The following ASTN2 variants were observed in gnomAD, a reference collection of about 807,000 sequenced individuals.
ASTN2 encodes astrotactin-2.
ASTN2 carries 54 observed loss-of-function variants against 139.8 expected under a neutral mutation model. The ratio of observed to expected loss-of-function variants is 0.39; its 90% CI spans 0.31 to 0.48. The LOEUF (loss-of-function observed/expected upper bound fraction) is 0.48, where lower values mean the gene tolerates loss of function less well. Ranked by LOEUF, ASTN2 falls within the 20% of genes least tolerant of loss-of-function variation. The pLI, the probability that ASTN2 is intolerant of heterozygous loss-of-function variation, is 0.95. For synonymous variants in ASTN2, 756 were observed against 719.5 expected, an observed-to-expected ratio of 1.05 and a Z score of -0.81; for missense variants, 1,565 against 1,725.1, an observed-to-expected ratio of 0.91 and a Z score of 1.64.
chr9:116,922,622 C>T (rs534176897), intron 10 of ASTN2, among the ~76,000 whole-genome samples: 10 of 152,128 alleles, frequency 6.6e-5, no homozygotes, highest in Non-Finnish European at 1.3e-4. Context: ...AATCATGATA[C>T]ATCTGTGTTA....
intron 18 of ASTN2, among the ~76,000 whole-genome samples, chr9:116,620,053 GC>G (rs1294239627): frequency 6.6e-6 from 1 of 152,034 alleles, no homozygotes; most frequent in African/African-American, 2.4e-5. Flanking sequence ...CTGAATGGTT[GC>G]CTGAAGGAAG....
intron 4 of ASTN2, among the ~76,000 whole-genome samples, chr9:117,117,686 G>T (rs1829432723): frequency 6.6e-6 from 1 of 152,200 alleles, no homozygotes; most frequent in Non-Finnish European, 1.5e-5. Flanking sequence ...AATCCTGTTT[G>T]CTGAGTTATT....
At chr9:116,996,791 A>G (rs943563476) in intron 7 of ASTN2, among the ~76,000 whole-genome samples, 1 of 152,218 alleles carries the variant, frequency 6.6e-6, no homozygotes, top group Non-Finnish European at 1.5e-5. Context: ...ACATTTGTTT[A>G]TTGATAATAT....
intron 10 of ASTN2, among the ~76,000 whole-genome samples, chr9:116,953,815 A>C (rs1291348662): frequency 6.6e-6 from 1 of 152,194 alleles, no homozygotes; most frequent in Admixed American, 6.5e-5. Flanking sequence ...AGCAGATAAG[A>C]GACTTGTCCA....
chr9:117,128,593 T>A (rs1168136337), intron 4 of ASTN2, among the ~76,000 whole-genome samples: 2 of 152,108 alleles, frequency 1.3e-5, no homozygotes, highest in Non-Finnish European at 2.9e-5. Flanking sequence ...AGGAGTGGGT[T>A]TGTATCAGAA....
At chr9:116,616,083 T>C (rs1855838291) in intron 19 of ASTN2, among the ~76,000 whole-genome samples, 1 of 152,144 alleles carries the variant, frequency 6.6e-6, no homozygotes, top group African/African-American at 2.4e-5. Context: ...AATACATAAA[T>C]AAATAAACGT....
chr9:116,662,927 G>A (rs1241372497), intron 16 of ASTN2, among the ~76,000 whole-genome samples: 1 of 152,148 alleles, frequency 6.6e-6, no homozygotes, highest in Non-Finnish European at 1.5e-5. Context: ...AAGGTCATTA[G>A]GCATTCAAAG....
intron 14 of ASTN2, among the ~76,000 whole-genome samples, chr9:116,730,087 C>T (rs10983331): frequency 0.044 from 6,693 of 152,286 alleles, 188 homozygotes; most frequent in East Asian, 0.096. Flanking sequence ...GCTTTGCAAA[C>T]TCTCTTTTTT....
chr9:116,516,712 T>C (rs1850666093), intron 19 of ASTN2, among the ~76,000 whole-genome samples: 1 of 152,218 alleles, frequency 6.6e-6, no homozygotes, highest in Non-Finnish European at 1.5e-5. Context: ...GCTTGTGATC[T>C]GGGGCAAGTT....
intron 2 of ASTN2, among the ~76,000 whole-genome samples, chr9:117,216,631 A>G (rs1832329730): frequency 6.6e-6 from 1 of 152,230 alleles, no homozygotes; most frequent in African/African-American, 2.4e-5. Context: ...ACAACAATGA[A>G]TCTTTTTTTT....
At chr9:116,838,111 GT>G (rs1249646800) in intron 11 of ASTN2, among the ~76,000 whole-genome samples, 1 of 142,078 alleles carries the variant, frequency 7.0e-6, no homozygotes, top group Non-Finnish European at 1.5e-5. Flanking sequence ...GTTTTTTTTT[GT>G]TTTGTTTTGT....
At chr9:116,968,496 A>G (rs371009070) in intron 10 of ASTN2, among the ~76,000 whole-genome samples, 2 of 151,560 alleles carry the variant, frequency 1.3e-5, no homozygotes, top group African/African-American at 4.8e-5. Flanking sequence ...AGCTGAAAAA[A>G]GAGAGAAAAG....
At chr9:117,390,954 G>A (rs775617840) in intron 1 of ASTN2, among the ~76,000 whole-genome samples, 2 of 152,146 alleles carry the variant, frequency 1.3e-5, no homozygotes, top group Non-Finnish European at 2.9e-5. Flanking sequence ...ATTGGCCTAA[G>A]GTAGATCCCA....
At chr9:117,079,555 T>C (rs137965337) in intron 5 of ASTN2, among the ~76,000 whole-genome samples, 281 of 152,300 alleles carry the variant, frequency 1.8e-3, no homozygotes, top group African/African-American at 6.5e-3. Flanking sequence ...TCATGCTTCA[T>C]GGACAGAGAA....
chr9:117,113,675 A>G (rs1472829931), intron 4 of ASTN2, among the ~76,000 whole-genome samples: 1 of 111,748 alleles, frequency 8.9e-6, no homozygotes, highest in Non-Finnish European at 1.8e-5. Flanking sequence ...AAACAAAACA[A>G]AACAAAAAAA....
intron 22 of ASTN2, among the ~76,000 whole-genome samples, chr9:116,434,179 C>T (rs2118839708): frequency 6.6e-6 from 1 of 152,190 alleles, no homozygotes; most frequent in African/African-American, 2.4e-5. Context: ...AACAGCCATT[C>T]AAGAAAAGAG....
chr9:116,948,845 T>A (rs1336906499), intron 10 of ASTN2, among the ~76,000 whole-genome samples: 1 of 124,942 alleles, frequency 8.0e-6, no homozygotes, highest in East Asian at 2.6e-4. Flanking sequence ...CAGGCTGGAG[T>A]GCAATGGCTC....
chr9:117,159,188 C>T (rs1347454978), intron 3 of ASTN2, among the ~76,000 whole-genome samples: 3 of 151,934 alleles, frequency 2.0e-5, no homozygotes, highest in Admixed American at 6.6e-5. Flanking sequence ...TGACCACTAT[C>T]GCAGGCCTGT....
At chr9:117,155,079 T>G (rs1348096929) in intron 3 of ASTN2, among the ~76,000 whole-genome samples, 1 of 151,730 alleles carries the variant, frequency 6.6e-6, no homozygotes, top group Non-Finnish European at 1.5e-5. Context: ...AACTGTGGAG[T>G]GCTGGACTGT....
Sources: allele counts gnomAD v4.1 joint callset (sites outside exome capture counted in the v4.1 genomes callset), GRCh38; gene constraint gnomAD v4.1.1; transcripts MANE v1.5; gene names NCBI Gene and HGNC (gene_info 2026-07-23, HGNC 2026-07-21).